The following SH3TC1 variants were observed in gnomAD, a reference collection of about 807,000 sequenced individuals.
SH3TC1 encodes SH3 domain and tetratricopeptide repeat-containing protein 1.
A neutral mutation model predicts 117.3 loss-of-function variants in SH3TC1; 135 were observed. That is an observed-to-expected ratio of 1.15 (90% CI 1.00 to 1.33). The LOEUF (loss-of-function observed/expected upper bound fraction) is 1.33. Among genes scored for constraint, SH3TC1 ranks in the 40% most tolerant of loss-of-function variants. The pLI is 0.00. For synonymous variants in SH3TC1, 898 were observed against 816.9 expected (o/e 1.10, Z -1.69); for missense variants, 2,092 against 1,794.3 (o/e 1.17, Z -3.00).
chr4:8,230,549 T>G (rs1278442366), intron 12 of SH3TC1, among the ~76,000 whole-genome samples: 1 of 152,236 alleles, frequency 6.6e-6, no homozygotes, highest in East Asian at 1.9e-4. Context: ...TGATTAGCTC[T>G]TTTGTTTTTC....
Position 8,240,797 on chromosome 4 carries a change from A to G in SH3TC1, c.3853A>G (p.Thr1285Ala), listed in dbSNP as rs1299697182. 1.2e-6 allele frequency: 2 copies of G among 1,614,104 alleles called. No homozygotes were observed. Among genetic ancestry groups the G allele is most frequent in the Admixed American group, 3.3e-5 (2 of 60,032 alleles). Residue 1285 changes from threonine (T) to alanine (A), a missense_variant, in exon 18 of 18, where the codon ACC becomes GCC. By Grantham distance (58) the Thr-to-Ala change is moderately conservative. Transcript: ENST00000245105. ...GCTGAAGATCTACACGCGGCTGGCC[A>G]CCATCTACCACAACTTCCTCCTGGA... ...AQLKIYTRLA[T>A]IYHNFLLDRE... is the part of the protein sequence containing the mutation.
At chr4:8,228,750 T>G in intron 12 of SH3TC1, 106 bp downstream of exon 12, 1 of 987,664 alleles carries the variant, frequency 1.0e-6, no homozygotes. Context: ...CCATCGAAAG[T>G]GCTGAGTCAT....
In SH3TC1 at chr4:8,225,023, A is replaced by G. The variant is rs1720329398; in HGVS notation, c.1244-152A>G. ...CAACACCTGCACCCTGCAACACTCC[A>G]GCCCGCAACACCAGCACCCTGCAAC... On this transcript the variant is annotated intron_variant, in intron 10 of 17. Coordinates refer to ENST00000245105, the MANE Select transcript of SH3TC1 (RefSeq NM_018986.5). The surrounding 1 kb of genome is among the most constrained non-coding windows in gnomAD (Gnocchi z 5.5). The G allele has an allele frequency of 1.1e-6, 1 of 917,764 alleles. No individual in the cohort carries two copies. 56.9% of individuals were successfully genotyped at this position (917,764 alleles called of 1,614,324 possible). A position where few individuals can be genotyped will look rare whatever the true frequency, so the allele number is the denominator to read the frequency against.
At position 8,205,966 on chromosome 4, in the gene SH3TC1, G is replaced by T. The variant is rs1350929423; in HGVS notation, c.172+600G>T. The T allele has an allele frequency of 9.5e-6, 4 of 421,852 alleles. No homozygotes were observed. The highest frequency in any genetic ancestry group is 5.9e-5 in the African/African-American group (3 of 50,482). 26.1% of individuals were successfully genotyped at this position (421,852 alleles called of 1,614,324 possible). On this transcript the variant is annotated intron_variant, in intron 2 of 17. Transcript: ENST00000245105. This position sits in a 1 kb window ranked among gnomAD's most constrained non-coding sequence, Gnocchi z 5.4. ...CCCCTCCCGGCAGGAGACAGCTGCG[G>T]TTGTGACCCGTCCCTGGGCCTCGTC...
intron 9 of SH3TC1, among the ~76,000 whole-genome samples, chr4:8,222,597 C>A (rs1175198602): frequency 6.6e-6 from 1 of 151,824 alleles, no homozygotes; most frequent in Admixed American, 6.6e-5. Context: ...TGGTCTTGAA[C>A]CCTTGACCTC....
At chr4:8,234,273 A>AT (rs1182849407) in intron 14 of SH3TC1, among the ~76,000 whole-genome samples, 1 of 151,478 alleles carries the variant, frequency 6.6e-6, no homozygotes, top group Admixed American at 6.6e-5. Flanking sequence ...CCACCCATCC[A>AT]TTTATCCATC....
Position 8,227,112 on chromosome 4 carries a change from G to GCGAC in SH3TC1, c.1419_1422dup (p.Val475ArgfsTer111). 1 of 1,612,756 alleles carries GCGAC rather than the reference G, an allele frequency of 6.2e-7. No individual in the cohort carries two copies. The highest frequency in any genetic ancestry group is 8.5e-7 in the Non-Finnish European group (1 of 1,179,770). Reference sequence around the variant, plus strand: ...TCCTGGGGTCTCTGTGCGGCATCCAGCGACGTGAGCTTGCAGGACCCCGAG... The same window carrying GCGAC: ...TCCTGGGGTCTCTGTGCGGCATCCAGCGACCGACGTGAGCTTGCAGGACCCCGAG... On this transcript the variant is annotated frameshift_variant, in exon 12 of 18. Coordinates refer to ENST00000245105, the MANE Select transcript of SH3TC1 (RefSeq NM_018986.5). LOFTEE classifies it high-confidence loss of function.
intron 11 of SH3TC1, among the ~76,000 whole-genome samples, chr4:8,226,146 T>A (rs1018713220): frequency 1.3e-5 from 2 of 152,208 alleles, no homozygotes; most frequent in African/African-American, 4.8e-5. Flanking sequence ...GAGAGTCTAT[T>A]TAAATCTAGA....
intron 9 of SH3TC1, among the ~76,000 whole-genome samples, chr4:8,219,916 G>A (rs890329160): frequency 1.3e-5 from 2 of 152,208 alleles, no homozygotes; most frequent in East Asian, 1.9e-4. Flanking sequence ...GACTCTAGGG[G>A]AGGGTCCTTC....
At chr4:8,235,231 C>G (rs143790537) in intron 14 of SH3TC1, among the ~76,000 whole-genome samples, 1 of 152,222 alleles carries the variant, frequency 6.6e-6, no homozygotes, top group African/African-American at 2.4e-5. Flanking sequence ...TGCAGCTGCA[C>G]AGTCACCTCC....
chr4:8,212,322 C>G (rs929702391), intron 3 of SH3TC1, among the ~76,000 whole-genome samples: 1 of 152,130 alleles, frequency 6.6e-6, no homozygotes, highest in African/African-American at 2.4e-5. Flanking sequence ...CCCGCAAGTT[C>G]CAATGCAGCA....
rs1718488983 is a variant in SH3TC1, at chr4:8,209,748, A to G, written c.173A>G (p.Asp58Gly). The G allele has an allele frequency of 6.2e-7, 1 of 1,613,748 alleles. No individual in the cohort carries two copies. The highest frequency in any genetic ancestry group is 2.2e-5 in the East Asian group (1 of 44,872). Reference protein sequence around the residue: ...PEEAKAPVRGDEAPPARVAGP... With the variant: ...PEEAKAPVRGGEAPPARVAGP... ...ATCCTGGGAACCTGCTGTGTTGCAGACGAGGCTCCTCCTGCCCGCGTGGCT... is the reference window on the plus strand; with the variant it reads ...ATCCTGGGAACCTGCTGTGTTGCAGGCGAGGCTCCTCCTGCCCGCGTGGCT... The change falls in exon 3 of 18, where the codon GAC (aspartate) becomes GGC (glycine). Residue 58 changes from aspartate to glycine, a missense_variant and splice_region_variant. Asp to Gly is a moderately conservative substitution (Grantham distance 94). Coordinates refer to ENST00000245105, the MANE Select transcript of SH3TC1 (RefSeq NM_018986.5). The surrounding 1 kb of genome is among the most constrained non-coding windows in gnomAD (Gnocchi z 5.9).
Position 8,236,440 on chromosome 4 carries a change from G to A in SH3TC1, c.3556+12G>A. On this transcript the variant is annotated intron_variant, in intron 16 of 17. Transcript: ENST00000245105. ...CAGCATCACCCTGGGTAAGCCCCCTGAGCCCCTGCCCTGCCAGGACCCACA... is the reference window on the plus strand; with the variant it reads ...CAGCATCACCCTGGGTAAGCCCCCTAAGCCCCTGCCCTGCCAGGACCCACA... The A allele has an allele frequency of 6.9e-7, 1 of 1,439,484 alleles. No individual in the cohort carries two copies. Among genetic ancestry groups the A allele is most frequent in the South Asian group, 1.4e-5 (1 of 70,106 alleles). The allele number at this position is 1,439,484 out of a possible 1,614,324, so 89.2% of individuals were successfully genotyped here.
intron 16 of SH3TC1, chr4:8,236,847 C>T (rs947507585): frequency 3.5e-5 from 6 of 172,792 alleles, no homozygotes; most frequent in South Asian, 1.9e-4. Context: ...CCCTTAATGC[C>T]GGGCATCCCC....
chr4:8,208,899 G>A (rs1039430817), intron 2 of SH3TC1, among the ~76,000 whole-genome samples: 3 of 152,248 alleles, frequency 2.0e-5, no homozygotes, highest in Non-Finnish European at 4.4e-5. Flanking sequence ...CCACACAGAA[G>A]TTCACTACTC....
At chr4:8,228,666 G>A (rs1720831504) in intron 12 of SH3TC1, 22 bp downstream of exon 12, 1 of 1,446,540 alleles carries the variant, frequency 6.9e-7, no homozygotes, top group Non-Finnish European at 9.1e-7. Context: ...AGTTCCTTCT[G>A]TGTGCCTTCC....
intron 1 of SH3TC1, among the ~76,000 whole-genome samples, chr4:8,199,810 C>T (rs1425989813): frequency 6.6e-6 from 1 of 152,184 alleles, no homozygotes; most frequent in East Asian, 1.9e-4. Flanking sequence ...GCCACACTAC[C>T]AGACCTACCA....
chr4:8,235,305 G>T, intron 14 of SH3TC1, 128 bp from the exon 15 acceptor site: 1 of 1,184,502 alleles, frequency 8.4e-7, no homozygotes, highest in Non-Finnish European at 1.1e-6. Flanking sequence ...TAATGCACAG[G>T]GTCTGAAAAA....
rs1349457943 is a variant in SH3TC1, at chr4:8,228,274, C to A, written c.2580C>A (p.Asp860Glu). The change falls in exon 12 of 18, where the codon GAC (aspartate) becomes GAA (glutamate). Residue 860 changes from aspartate to glutamate, a missense_variant. Coordinates refer to ENST00000245105, the MANE Select transcript of SH3TC1 (RefSeq NM_018986.5). ...SVRDAVVASE[D>E]QEGVIANMVA... ...GGGATGCAGTGGTGGCCAGCGAGGA[C>A]CAGGAGGGCGTGATTGCCAACATGG... 6.2e-7 allele frequency: 1 copy of A among 1,612,212 alleles called. No individual in the cohort carries two copies. The highest frequency in any genetic ancestry group is 1.3e-5 in the African/African-American group (1 of 74,940).
Sources: gnomAD v4.1 joint callset for allele counts (sites outside exome capture counted in the v4.1 genomes callset) on GRCh38, gnomAD v4.1.1 for gene constraint, Gnocchi (gnomAD v3.1) non-coding constraint, MANE v1.5 for transcripts, NCBI Gene and HGNC (gene_info 2026-07-23, HGNC 2026-07-21) for gene names.